Variants in DZANK1 observed in about 807,000 individuals in gnomAD.
The protein encoded by DZANK1 is double zinc ribbon and ankyrin repeat domains 1.
DZANK1 carries 91 observed loss-of-function variants against 94.5 expected under a neutral mutation model. That is an observed-to-expected ratio of 0.96 (90% CI 0.81 to 1.15). DZANK1 has a LOEUF of 1.15. Ranked by LOEUF, DZANK1 falls within the 50% of genes most tolerant of loss-of-function variation. The probability of loss-of-function intolerance (pLI) is 0.00; values close to 1 mark genes in which losing one functional copy is unlikely to be tolerated. For synonymous variants in DZANK1, 312 were observed against 325.3 expected, an observed-to-expected ratio of 0.96 and a Z score of 0.44; for missense variants, 903 against 916.4, an observed-to-expected ratio of 0.99 and a Z score of 0.19.
intron 8 of DZANK1, among the ~76,000 whole-genome samples, chr20:18,440,707 G>A (rs1214408499): frequency 6.6e-6 from 1 of 152,100 alleles, no homozygotes; most frequent in Admixed American, 6.6e-5. Flanking sequence ...GAAAACGAAG[G>A]CTGGTATCCT....
intron 8 of DZANK1, among the ~76,000 whole-genome samples, chr20:18,434,386 AAT>A (rs1207034118): frequency 6.6e-6 from 1 of 151,908 alleles, no homozygotes; most frequent in Non-Finnish European, 1.5e-5. Flanking sequence ...CTCTACTAAA[AAT>A]ACAAAAATTA....
chr20:18,452,371 G>A (rs1601135608), intron 6 of DZANK1, among the ~76,000 whole-genome samples: 1 of 152,230 alleles, frequency 6.6e-6, no homozygotes, highest in African/African-American at 2.4e-5. Flanking sequence ...TCTTCTTCAT[G>A]ACGCTTACCA....
At chr20:18,392,604 G>A (rs753125454) in intron 17 of DZANK1, among the ~76,000 whole-genome samples, 3 of 152,262 alleles carry the variant, frequency 2.0e-5, no homozygotes, top group Non-Finnish European at 4.4e-5. Context: ...CAAGGCTGGG[G>A]ATGGAGCAGG....
At chr20:18,389,893 T>C in intron 18 of DZANK1, 65 bp from the exon 19 acceptor site, 2 of 1,597,694 alleles carry the variant, frequency 1.3e-6, no homozygotes, top group Non-Finnish European at 1.7e-6. Flanking sequence ...CCAGTCGCCA[T>C]CCTATGAAGT....
chr20:18,448,879 AAAAAAAAGTTGGAGGTGGGC>A, intron 7 of DZANK1, 85 bp downstream of exon 7: 1 of 963,724 alleles, frequency 1.0e-6, no homozygotes, highest in Non-Finnish European at 1.5e-6. Context: ...AAAAAAAAAA[AAAAAAAAGTTGGAGGTGGGC>A]AAAAATGTCG....
chr20:18,390,671 T>C (rs548988819), intron 17 of DZANK1, among the ~76,000 whole-genome samples: 36 of 152,138 alleles, frequency 2.4e-4, no homozygotes, highest in Non-Finnish European at 5.0e-4. Context: ...TCAGGCAAGG[T>C]TACCGCATGG....
chr20:18,454,260 C>A, intron 4 of DZANK1: 1 of 348,616 alleles, frequency 2.9e-6, no homozygotes. Flanking sequence ...TCCCTCACAC[C>A]TGATTCAAGC....
At chr20:18,428,627 C>T (rs2058157341) in intron 9 of DZANK1, 1 of 152,218 alleles carries the variant, frequency 6.6e-6, no homozygotes, top group African/African-American at 2.4e-5. Context: ...GACCACTATT[C>T]TCTCAGGATA....
At chr20:18,422,799 CTTTT>C (rs55683540) in intron 10 of DZANK1, among the ~76,000 whole-genome samples, 1 of 124,854 alleles carries the variant, frequency 8.0e-6, no homozygotes, top group East Asian at 2.2e-4. Context: ...TGGCTTTGTT[CTTTT>C]TTTTTTTTTT....
At chr20:18,406,700 G>C (rs1484125690) in intron 13 of DZANK1, among the ~76,000 whole-genome samples, 1 of 152,228 alleles carries the variant, frequency 6.6e-6, no homozygotes, top group Non-Finnish European at 1.5e-5. Flanking sequence ...TTGCACCCTA[G>C]GTACCAGCTT....
intron 2 of DZANK1, among the ~76,000 whole-genome samples, chr20:18,462,423 CT>C (rs937064303): frequency 2.0e-5 from 3 of 152,022 alleles, no homozygotes; most frequent in African/African-American, 7.3e-5. Flanking sequence ...TTTAAGAGAC[CT>C]TTATATTTCC....
In DZANK1 at chr20:18,456,691, A is replaced by AT. The variant is rs1356836958; in HGVS notation, c.264-1331dup. ...ATATGTGGTCATCTTACGTGTCTGG[A>AT]TTTTTTATTTATTTGTTTTTTTTTG... On this transcript the variant is annotated intron_variant, in intron 3 of 20. Coordinates refer to ENST00000262547, the Ensembl canonical transcript of DZANK1. 1.1e-4 allele frequency among the ~76,000 whole-genome samples: 14 copies of AT among 125,298 alleles called. 1 individual carries two copies. The allele number at this position is 125,298 out of a possible 152,430, so 82.2% of individuals were successfully genotyped here. A position where few individuals can be genotyped will look rare whatever the true frequency, so the allele number is the denominator to read the frequency against.
intron 6 of DZANK1, chr20:18,451,747 A>T: frequency 2.4e-6 from 1 of 422,462 alleles, no homozygotes; most frequent in Non-Finnish European, 4.6e-6. Context: ...CCTGAGAGGC[A>T]GACTTGGCTC....
chr20:18,384,557 C>T (rs1374610935), exon 21 of DZANK1: 1 of 1,601,588 alleles, frequency 6.2e-7, no homozygotes, highest in Non-Finnish European at 8.5e-7. Flanking sequence ...TGGATGCTTG[C>T]ATTGCATCTG....
chr20:18,450,938 T>C (rs2059077768), intron 6 of DZANK1, among the ~76,000 whole-genome samples: 1 of 152,120 alleles, frequency 6.6e-6, no homozygotes, highest in African/African-American at 2.4e-5. Flanking sequence ...GATATGCCTT[T>C]TATTTTTATT....
chr20:18,394,866 G>A, intron 15 of DZANK1: 1 of 456,798 alleles, frequency 2.2e-6, no homozygotes, highest in Non-Finnish European at 4.4e-6. Flanking sequence ...CACCTGGAAA[G>A]TGGAAATAAT....
rs1213184992 is a variant in DZANK1, at chr20:18,427,113, A to G, written c.908T>C (p.Leu303Pro). 3.1e-6 allele frequency: 5 copies of G among 1,612,970 alleles called. No individual in the cohort carries two copies. In the South Asian group the frequency reaches 4.4e-5, roughly 14 times the overall value. Residue 303 changes from leucine to proline, a missense_variant, in exon 10 of 21, where the codon CTG becomes CCG. Coordinates refer to ENST00000262547, the Ensembl canonical transcript of DZANK1. ...CCCCTCACAGGTGACACAGTATCTC[A>G]GGTGAGCAGGATTTCCTGTACCACA... is the stretch of plus-strand genomic sequence containing the variant.
rs763311839 is a variant in DZANK1 at position 18,460,243 on chromosome 20, A to T, written c.173T>A (p.Ile58Asn). Residue 58 changes from isoleucine (I) to asparagine (N), a missense_variant, in exon 3 of 21, where the codon ATT becomes AAT. Coordinates refer to ENST00000262547, the Ensembl canonical transcript of DZANK1. ...AAATGTGTTATTTTCCCCATAACCA[A>T]TTCTCTTTAGAAATTCAGGTTTGCT... 79 of 1,594,384 alleles carry T rather than the reference A, an allele frequency of 5.0e-5. No individual in the cohort carries two copies. Among genetic ancestry groups the T allele is most frequent in the Middle Eastern group, 3.3e-4 (2 of 5,976 alleles).
chr20:18,449,140 G>C, intron 6 of DZANK1, 71 bp from the exon 7 acceptor site: 3 of 1,274,488 alleles, frequency 2.4e-6, no homozygotes, highest in South Asian at 2.5e-5. Context: ...CTATGGTATA[G>C]TAAAATTCCA....
Sources: gnomAD v4.1 joint callset for allele counts (sites outside exome capture counted in the v4.1 genomes callset) on GRCh38, gnomAD v4.1.1 for gene constraint, MANE v1.5 for transcripts, NCBI Gene and HGNC (gene_info 2026-07-23, HGNC 2026-07-21) for gene names.